Variants in VAV3 observed in about 807,000 individuals in gnomAD.
VAV3 encodes the protein guanine nucleotide exchange factor VAV3.
In VAV3, 94 loss-of-function variants were observed where a neutral mutation model predicts 131.2. The observed-to-expected ratio is 0.72, with a 90% CI of 0.61 to 0.85. The LOEUF (loss-of-function observed/expected upper bound fraction) is 0.85, where lower values mean the gene tolerates loss of function less well. Ranked by LOEUF, VAV3 falls within the 40% of genes least tolerant of loss-of-function variation. VAV3 has a pLI of 0.00. For synonymous variants in VAV3, 349 were observed against 342.0 expected (o/e 1.02, Z -0.22); for missense variants, 939 against 1,002.7 (o/e 0.94, Z 0.86).
At chr1:107,580,968 G>A (rs1429130829) in intron 25 of VAV3, among the ~76,000 whole-genome samples, 3 of 152,084 alleles carry the variant, frequency 2.0e-5, no homozygotes. Flanking sequence ...TCCTGGAATA[G>A]AATTAAAAAG....
Position 107,892,678 on chromosome 1 carries a change from A to G in VAV3, c.205-17661T>C, listed in dbSNP as rs764267763. ...ATAAAGACTACAATAAATTTGCTAC[A>G]TCAATATATATTCACTAAAAATTAT... On this transcript the variant is annotated intron_variant, in intron 1 of 26. Transcript: ENST00000370056. 9.1e-4 allele frequency among the ~76,000 whole-genome samples: 138 copies of G among 152,192 alleles called. 1 individual carries two copies. Among genetic ancestry groups the G allele is most frequent in the Non-Finnish European group, 6.8e-4 (46 of 68,038 alleles).
chr1:107,796,804 A>ATATATAT (rs750759596), intron 2 of VAV3, among the ~76,000 whole-genome samples: 4 of 144,436 alleles, frequency 2.8e-5, no homozygotes, highest in African/African-American at 1.0e-4. Context: ...AAAAAAAAAA[A>ATATATAT]ATATATATAT....
chr1:107,807,854 T>C (rs375956631), intron 2 of VAV3, among the ~76,000 whole-genome samples: 4 of 152,206 alleles, frequency 2.6e-5, no homozygotes, highest in Non-Finnish European at 4.4e-5. Flanking sequence ...TATGTTTCAG[T>C]GTACAAGTCC....
intron 20 of VAV3, among the ~76,000 whole-genome samples, chr1:107,636,066 G>A (rs1284036006): frequency 1.3e-5 from 2 of 152,170 alleles, no homozygotes; most frequent in African/African-American, 4.8e-5. Flanking sequence ...TTAGTTGTTG[G>A]TGCTATTGTT....
intron 15 of VAV3, among the ~76,000 whole-genome samples, chr1:107,726,232 A>G (rs191711181): frequency 2.7e-3 from 418 of 152,314 alleles, no homozygotes; most frequent in East Asian, 8.3e-3. Context: ...CAGATAAATC[A>G]ATCAACCTAT....
intron 19 of VAV3, among the ~76,000 whole-genome samples, chr1:107,651,907 T>A (rs2101576627): frequency 6.6e-6 from 1 of 152,258 alleles, no homozygotes; most frequent in East Asian, 1.9e-4. Flanking sequence ...TCCAGTTTCA[T>A]CTTGTTCCAG....
intron 1 of VAV3, among the ~76,000 whole-genome samples, chr1:107,883,285 T>C (rs1465056884): frequency 6.6e-6 from 1 of 152,198 alleles, no homozygotes; most frequent in Non-Finnish European, 1.5e-5. Context: ...GTTATGGTAA[T>C]AACTGTGCTT....
chr1:107,858,063 G>T (rs1281041263), intron 2 of VAV3, among the ~76,000 whole-genome samples: 1 of 152,096 alleles, frequency 6.6e-6, no homozygotes, highest in Non-Finnish European at 1.5e-5. Flanking sequence ...ATGTAATAAA[G>T]AATATGCTTA....
intron 2 of VAV3, among the ~76,000 whole-genome samples, chr1:107,841,695 A>G (rs989096680): frequency 2.6e-5 from 4 of 152,222 alleles, no homozygotes; most frequent in Admixed American, 2.6e-4. Flanking sequence ...TTATTATGCT[A>G]AAATGACTAA....
At chr1:107,621,367 A>G (rs1653588344) in intron 20 of VAV3, among the ~76,000 whole-genome samples, 1 of 152,068 alleles carries the variant, frequency 6.6e-6, no homozygotes, top group South Asian at 2.1e-4. Context: ...TACTTATTAA[A>G]AAGATAGCTA....
chr1:107,938,974 T>C (rs137970683), intron 1 of VAV3, among the ~76,000 whole-genome samples: 118 of 152,332 alleles, frequency 7.7e-4, no homozygotes, highest in African/African-American at 2.6e-3. Context: ...CGCTGAGCTA[T>C]ATCCAATCCA....
At chr1:107,901,185 T>C (rs540871593) in intron 1 of VAV3, among the ~76,000 whole-genome samples, 1 of 152,346 alleles carries the variant, frequency 6.6e-6, no homozygotes, top group South Asian at 2.1e-4. Flanking sequence ...GCTGACAATT[T>C]ACCTATGTGA....
rs1254762793 is a variant in VAV3, at chr1:107,579,120, C to T, written c.2351-4922G>A. The stretch of plus-strand genomic sequence containing the variant: ...TAACTCTAAAAGCCTTATCATCATT[C>T]GCATTCCTATCAAGTAGCTAGAATT... On this transcript the variant is annotated intron_variant, in intron 25 of 26. Coordinates refer to ENST00000370056, the MANE Select transcript of VAV3 (RefSeq NM_006113.5). Among the ~76,000 whole-genome samples the T allele has an allele frequency of 2.6e-5, 4 of 152,268 alleles. No individual in the cohort carries two copies. In the East Asian group the frequency reaches 5.8e-4, roughly 22 times the overall value.
At chr1:107,851,296 C>A (rs1018289272) in intron 2 of VAV3, among the ~76,000 whole-genome samples, 22 of 150,330 alleles carry the variant, frequency 1.5e-4, no homozygotes, top group African/African-American at 5.4e-4. Context: ...TCTGTATCAT[C>A]TGGCCTTAAA....
intron 15 of VAV3, among the ~76,000 whole-genome samples, chr1:107,706,262 G>A (rs951523414): frequency 2.0e-5 from 3 of 152,088 alleles, no homozygotes; most frequent in Non-Finnish European, 2.9e-5. Flanking sequence ...GAATCCTGGC[G>A]AAATGAAGCA....
intron 1 of VAV3, among the ~76,000 whole-genome samples, chr1:107,940,477 G>T (rs1260931137): frequency 2.0e-5 from 3 of 152,198 alleles, no homozygotes; most frequent in Admixed American, 1.3e-4. Flanking sequence ...GAAAGATAGA[G>T]AAGGTTCTAC....
chr1:107,861,611 A>G (rs1669738901), intron 2 of VAV3, among the ~76,000 whole-genome samples: 1 of 151,640 alleles, frequency 6.6e-6, no homozygotes, highest in Non-Finnish European at 1.5e-5. Flanking sequence ...CATCATTAAA[A>G]TTTGACCTAG....
At chr1:107,641,624 A>C (rs933308467) in intron 20 of VAV3, among the ~76,000 whole-genome samples, 1 of 152,186 alleles carries the variant, frequency 6.6e-6, no homozygotes, top group Non-Finnish European at 1.5e-5. Context: ...TACTTTTCAC[A>C]TTTCATAGAT....
At chr1:107,595,743 G>T (rs905551190) in intron 25 of VAV3, among the ~76,000 whole-genome samples, 4 of 152,022 alleles carry the variant, frequency 2.6e-5, no homozygotes, top group Non-Finnish European at 5.9e-5. Flanking sequence ...AGAAATACTA[G>T]CATCCAAAAA....
Sources: allele counts gnomAD v4.1 joint callset (sites outside exome capture counted in the v4.1 genomes callset), GRCh38; gene constraint gnomAD v4.1.1; transcripts MANE v1.5; gene names NCBI Gene and HGNC (gene_info 2026-07-23, HGNC 2026-07-21).